The following RABEP1 variants were observed in gnomAD, a reference collection of about 807,000 sequenced individuals.
The protein encoded by RABEP1 is rab GTPase-binding effector protein 1.
A neutral mutation model predicts 123.4 loss-of-function variants in RABEP1; 51 were observed. The ratio of observed to expected loss-of-function variants is 0.41; its 90% CI spans 0.33 to 0.52. RABEP1 has a LOEUF of 0.52. Among genes scored for constraint, RABEP1 ranks in the 20% least tolerant of loss-of-function variants. The pLI, the probability that RABEP1 is intolerant of heterozygous loss-of-function variation, is 0.16. For missense variants in RABEP1, 888 were observed against 996.3 expected (o/e 0.89, Z 1.46); for synonymous variants, 347 against 355.2 (o/e 0.98, Z 0.26).
intron 1 of RABEP1, among the ~76,000 whole-genome samples, chr17:5,293,139 T>C (rs1037483369): frequency 6.6e-6 from 1 of 152,184 alleles, no homozygotes; most frequent in Admixed American, 6.5e-5. Context: ...ATACAAAAAT[T>C]AGCTGGGTGT....
At chr17:5,306,409 C>A (rs745910219) in intron 1 of RABEP1, among the ~76,000 whole-genome samples, 6 of 151,930 alleles carry the variant, frequency 3.9e-5, no homozygotes, top group Non-Finnish European at 7.4e-5. Flanking sequence ...GGGTGGATCA[C>A]CTGAGGTCAG....
At chr17:5,290,572 G>A (rs947248147) in intron 1 of RABEP1, among the ~76,000 whole-genome samples, 1 of 152,008 alleles carries the variant, frequency 6.6e-6, no homozygotes, top group Non-Finnish European at 1.5e-5. Context: ...TGCATTAAGT[G>A]CATGTTAATT....
At chr17:5,296,183 G>A (rs1643837683) in intron 1 of RABEP1, among the ~76,000 whole-genome samples, 2 of 152,130 alleles carry the variant, frequency 1.3e-5, no homozygotes, top group African/African-American at 4.8e-5. Context: ...ATTTGCTAAG[G>A]TTCGAGAATT....
At chr17:5,301,564 C>T (rs923177620) in intron 1 of RABEP1, among the ~76,000 whole-genome samples, 1 of 152,140 alleles carries the variant, frequency 6.6e-6, no homozygotes, top group African/African-American at 2.4e-5. Flanking sequence ...AATCCATGTA[C>T]TGCTTTCTTC....
At chr17:5,295,099 A>G (rs938746493) in intron 1 of RABEP1, among the ~76,000 whole-genome samples, 5 of 151,960 alleles carry the variant, frequency 3.3e-5, no homozygotes, top group Non-Finnish European at 7.4e-5. Context: ...GTTATTTTTG[A>G]GGACAGATGC....
chr17:5,351,804 A>T (rs1908577107), intron 7 of RABEP1, among the ~76,000 whole-genome samples: 2 of 152,192 alleles, frequency 1.3e-5, no homozygotes. Context: ...CCTATCTCAA[A>T]AAAAAGTATA....
chr17:5,296,823 G>A (rs891500590), intron 1 of RABEP1, among the ~76,000 whole-genome samples: 6 of 152,068 alleles, frequency 3.9e-5, no homozygotes, highest in Admixed American at 3.3e-4. Flanking sequence ...CATGGCTCAC[G>A]GTAGCCTTGA....
intron 1 of RABEP1, among the ~76,000 whole-genome samples, chr17:5,297,480 A>T: frequency 1.3e-5 from 2 of 152,326 alleles, no homozygotes; most frequent in African/African-American, 4.8e-5. Flanking sequence ...ACCTGTAATC[A>T]TGGGGAAATC....
At chr17:5,329,818 C>CATATATATATATATATATATATATAT (rs61446536) in intron 2 of RABEP1, among the ~76,000 whole-genome samples, 4 of 143,116 alleles carry the variant, frequency 2.8e-5, no homozygotes, top group African/African-American at 1.0e-4. Flanking sequence ...TATATATGTT[C>CATATATATATATATATATATATATAT]ATATATATAT....
intron 15 of RABEP1, 182 bp downstream of exon 15, chr17:5,378,414 G>A: frequency 1.5e-6 from 1 of 681,958 alleles, no homozygotes; most frequent in Non-Finnish European, 2.7e-6. Flanking sequence ...AGTGCCCTGT[G>A]TGTCAGGCTA....
intron 17 of RABEP1, 78 bp from the exon 18 acceptor site, chr17:5,383,044 A>C (rs765596158): frequency 1.1e-5 from 12 of 1,118,212 alleles, no homozygotes; most frequent in Non-Finnish European, 1.4e-5. Flanking sequence ...TTAATCTGCT[A>C]CATCTCAGCT....
chr17:5,288,339 A>G (rs1489011310), intron 1 of RABEP1, among the ~76,000 whole-genome samples: 4 of 152,088 alleles, frequency 2.6e-5, no homozygotes, highest in African/African-American at 7.2e-5. Flanking sequence ...TTAGAGGTGT[A>G]CGGGAACCCA....
intron 16 of RABEP1, among the ~76,000 whole-genome samples, chr17:5,380,879 G>A (rs1911393257): frequency 6.6e-6 from 1 of 152,218 alleles, no homozygotes. Context: ...CCTAGAAATG[G>A]TCTTAGTGAG....
chr17:5,373,731 C>CAG (rs1184286141), intron 13 of RABEP1, among the ~76,000 whole-genome samples: 2 of 140,530 alleles, frequency 1.4e-5, no homozygotes, highest in Admixed American at 7.3e-5. Context: ...CACACACACA[C>CAG]ACACACGAAA....
chr17:5,362,222 A>G (rs1180879921), intron 9 of RABEP1: 1 of 159,252 alleles, frequency 6.3e-6, no homozygotes, highest in Non-Finnish European at 1.4e-5. Context: ...ATATTTGCCT[A>G]ATGCTTTATA....
In RABEP1 at chr17:5,373,403, G is replaced by C. The variant is rs1175888974; in HGVS notation, c.1974G>C (p.Leu658=). The change falls in exon 13 of 18, where the codon CTG becomes CTC. Residue 658 remains leucine (L), a synonymous_variant. Coordinates refer to ENST00000537505, the MANE Select transcript of RABEP1 (RefSeq NM_004703.6). ...ACAGTCTCCAGGGAAAGCACAGCCT[G>C]CATGTGTCATTACAGCAAGCAGAAG... ...DNDSLQGKHS[L]HVSLQQAEDF... The C allele has an allele frequency of 5.0e-6, 8 of 1,613,012 alleles. No individual in the cohort carries two copies. Among genetic ancestry groups the C allele is most frequent in the Non-Finnish European group, 5.9e-6 (7 of 1,179,862 alleles).
At chr17:5,382,581 G>A (rs1348413388) in intron 17 of RABEP1, among the ~76,000 whole-genome samples, 6 of 151,676 alleles carry the variant, frequency 4.0e-5, no homozygotes, top group Non-Finnish European at 5.9e-5. Context: ...GTGAAACCCC[G>A]TCTCTACTTA....
intron 2 of RABEP1, among the ~76,000 whole-genome samples, chr17:5,311,697 C>CAAAAAAA (rs35876639): frequency 7.1e-5 from 5 of 70,864 alleles, no homozygotes; most frequent in Non-Finnish European, 1.2e-4. Context: ...GACTTCATCT[C>CAAAAAAA]AAAAAAAAAA....
chr17:5,295,933 G>A (rs2075079570), intron 1 of RABEP1, among the ~76,000 whole-genome samples: 1 of 152,158 alleles, frequency 6.6e-6, no homozygotes, highest in Non-Finnish European at 1.5e-5. Flanking sequence ...AGTTACATTT[G>A]TTGGGTTCTC....
Sources: allele counts gnomAD v4.1 joint callset (sites outside exome capture counted in the v4.1 genomes callset), GRCh38; gene constraint gnomAD v4.1.1; transcripts MANE v1.5; gene names NCBI Gene and HGNC (gene_info 2026-07-23, HGNC 2026-07-21).